CALN1: variants seen among roughly 807,000 people sequenced by gnomAD.
The protein encoded by CALN1 is calneuron 1, also known as calcium-binding protein 8.
In CALN1, 17 loss-of-function variants were observed where a neutral mutation model predicts 30.6. The ratio of observed to expected loss-of-function variants is 0.56; its 90% CI spans 0.38 to 0.83. CALN1 has a LOEUF of 0.83. Among genes scored for constraint, CALN1 ranks in the 40% least tolerant of loss-of-function variants. The pLI, the probability that CALN1 is intolerant of heterozygous loss-of-function variation, is 0.00. For synonymous variants in CALN1, 156 were observed against 131.4 expected, an observed-to-expected ratio of 1.19 and a Z score of -1.28; for missense variants, 291 against 354.9, an observed-to-expected ratio of 0.82 and a Z score of 1.45.
chr7:71,787,604 G>A lies in CALN1; in HGVS notation c.*171C>T. 2 of 806,378 alleles carry A rather than the reference G, an allele frequency of 2.5e-6. No homozygotes were observed. The highest frequency in any genetic ancestry group is 2.9e-5 in the Admixed American group (1 of 34,172). 50.0% of individuals were successfully genotyped at this position (806,378 alleles called of 1,614,324 possible). ...TTAGTGTCCCTGCCAAGGAGATGAA[G>A]CTGAAGTGCAACCCCAGTTGCACTC... On this transcript the variant is annotated 3_prime_UTR_variant, in exon 7 of 7. Transcript: ENST00000395275.
intron 3 of CALN1, among the ~76,000 whole-genome samples, chr7:72,214,702 A>G (rs756014212): frequency 2.0e-5 from 3 of 152,016 alleles, no homozygotes; most frequent in Non-Finnish European, 4.4e-5. Flanking sequence ...GCCGCACAGC[A>G]GGAGGTGAGT....
the CALN1 span, among the ~76,000 whole-genome samples, chr7:72,456,055 G>A: frequency 1.3e-5 from 2 of 152,022 alleles, no homozygotes; most frequent in South Asian, 2.1e-4. Context: ...CTGGTGGCAC[G>A]CACATGTAGT....
At chr7:72,319,072 G>T (rs1460529450) in intron 2 of CALN1, among the ~76,000 whole-genome samples, 1 of 152,104 alleles carries the variant, frequency 6.6e-6, no homozygotes, top group Non-Finnish European at 1.5e-5. Flanking sequence ...ATCAAAAAGA[G>T]ATCTGCACCC....
At chr7:71,812,402 A>G (rs1299145549) in intron 5 of CALN1, among the ~76,000 whole-genome samples, 4 of 152,232 alleles carry the variant, frequency 2.6e-5, no homozygotes, top group Non-Finnish European at 5.9e-5. Context: ...TGGAGGCTGG[A>G]AAGACACAGA....
At chr7:72,335,834 C>T (rs1466435330) in intron 2 of CALN1, among the ~76,000 whole-genome samples, 2 of 152,224 alleles carry the variant, frequency 1.3e-5, no homozygotes, top group Non-Finnish European at 2.9e-5. Flanking sequence ...CTCTGTACCC[C>T]CAGCCCGTCT....
At chr7:72,451,700 G>A (rs944557234), upstream of CALN1, among the ~76,000 whole-genome samples, 1 of 152,116 alleles carries the variant, frequency 6.6e-6, no homozygotes, top group Non-Finnish European at 1.5e-5. Flanking sequence ...CCCCATCCCC[G>A]GTGATTGACA....
At chr7:71,809,673 G>A (rs537891330) in intron 6 of CALN1, among the ~76,000 whole-genome samples, 62 of 151,956 alleles carry the variant, frequency 4.1e-4, no homozygotes, top group Admixed American at 1.8e-3. Flanking sequence ...ATTCTCTACT[G>A]ATTAGGAGAT....
chr7:72,041,175 G>A (rs1802101295), intron 4 of CALN1, among the ~76,000 whole-genome samples: 1 of 152,144 alleles, frequency 6.6e-6, no homozygotes, highest in African/African-American at 2.4e-5. Flanking sequence ...AAAATAGTCT[G>A]AGAAGAGAAC....
chr7:72,013,223 A>ATAATG (rs1800186775), intron 5 of CALN1, among the ~76,000 whole-genome samples: 1 of 146,588 alleles, frequency 6.8e-6, no homozygotes, highest in Non-Finnish European at 1.5e-5. Context: ...CAATTGTTGG[A>ATAATG]TAATGTAATT....
chr7:72,108,806 T>A (rs1254371938), intron 3 of CALN1, among the ~76,000 whole-genome samples: 1 of 152,208 alleles, frequency 6.6e-6, no homozygotes, highest in Non-Finnish European at 1.5e-5. Flanking sequence ...ACAAGCTAGA[T>A]ATATCAGCCT....
At chr7:72,345,045 TATC>T (rs1802565383) in intron 2 of CALN1, among the ~76,000 whole-genome samples, 1 of 148,176 alleles carries the variant, frequency 6.7e-6, no homozygotes, top group South Asian at 2.1e-4. Context: ...TTATATATTA[TATC>T]GTATGTACTG....
chr7:72,284,759 T>G (rs1181541743), intron 2 of CALN1, among the ~76,000 whole-genome samples: 1 of 152,080 alleles, frequency 6.6e-6, no homozygotes, highest in African/African-American at 2.4e-5. Context: ...ATTTTCAGAG[T>G]CTGTAACTGC....
intron 5 of CALN1, among the ~76,000 whole-genome samples, chr7:71,945,044 T>C (rs1206357661): frequency 6.6e-6 from 1 of 152,206 alleles, no homozygotes; most frequent in Non-Finnish European, 1.5e-5. Context: ...GGATCCCTCA[T>C]GAATGTCTTG....
Position 72,357,569 on chromosome 7 carries a change from T to C in CALN1, c.119+45682A>G, listed in dbSNP as rs564627693. Among the ~76,000 whole-genome samples the C allele has an allele frequency of 2.6e-5, 4 of 151,930 alleles. No homozygotes were observed. In the South Asian group the frequency reaches 6.2e-4, roughly 24 times the overall value. Reference sequence around the variant, plus strand: ...ACCATGAGCATCATGAATGAGGTTTTTGAATGCTTTTAAATACACAAATGA... The same window carrying C: ...ACCATGAGCATCATGAATGAGGTTTCTGAATGCTTTTAAATACACAAATGA... On this transcript the variant is annotated intron_variant, in intron 2 of 6. Transcript: ENST00000395275.
chr7:72,109,133 A>G (rs1431807676), intron 3 of CALN1, among the ~76,000 whole-genome samples: 1 of 152,176 alleles, frequency 6.6e-6, no homozygotes, highest in Non-Finnish European at 1.5e-5. Context: ...AGGGATGATG[A>G]GTCTGAATGG....
At chr7:72,362,875 T>G (rs997602710) in intron 2 of CALN1, among the ~76,000 whole-genome samples, 4 of 152,180 alleles carry the variant, frequency 2.6e-5, no homozygotes, top group African/African-American at 9.7e-5. Flanking sequence ...TTTACCATAT[T>G]CCGGTAAATG....
chr7:71,910,825 C>T (rs1051885521), intron 5 of CALN1, among the ~76,000 whole-genome samples: 7 of 152,122 alleles, frequency 4.6e-5, no homozygotes, highest in African/African-American at 1.7e-4. Context: ...TGGGCACTAC[C>T]AATACCCTCC....
At chr7:72,301,054 A>G (rs1175562269) in intron 2 of CALN1, among the ~76,000 whole-genome samples, 1 of 152,160 alleles carries the variant, frequency 6.6e-6, no homozygotes, top group Non-Finnish European at 1.5e-5. Context: ...TCATTGGCCC[A>G]AAAACTTTGG....
At chr7:72,473,031 G>A in the CALN1 span, among the ~76,000 whole-genome samples, 2 of 152,050 alleles carry the variant, frequency 1.3e-5, no homozygotes, top group African/African-American at 4.8e-5. Flanking sequence ...CTGGGCCAGG[G>A]TCCACACTGG....
Sources: allele counts gnomAD v4.1 joint callset (sites outside exome capture counted in the v4.1 genomes callset), GRCh38; gene constraint gnomAD v4.1.1; transcripts MANE v1.5; gene names NCBI Gene and HGNC (gene_info 2026-07-23, HGNC 2026-07-21).